Variants in MICU1 observed in about 807,000 individuals in gnomAD.
MICU1 encodes calcium uptake protein 1, mitochondrial.
Under a neutral mutation model 56.8 loss-of-function variants are expected in MICU1, and 45 were observed. That is an observed-to-expected ratio of 0.79 (90% CI 0.62 to 1.02). MICU1 has a LOEUF of 1.02. Ranked by LOEUF, MICU1 falls within the 50% of genes least tolerant of loss-of-function variation. The pLI, the probability that MICU1 is intolerant of heterozygous loss-of-function variation, is 0.00. For missense variants in MICU1, 504 were observed against 587.1 expected, an observed-to-expected ratio of 0.86 and a Z score of 1.46; for synonymous variants, 186 against 195.1, an observed-to-expected ratio of 0.95 and a Z score of 0.39.
At chr10:72,402,336 G>A (rs1863482304) in intron 10 of MICU1, among the ~76,000 whole-genome samples, 1 of 152,112 alleles carries the variant, frequency 6.6e-6, no homozygotes, top group Non-Finnish European at 1.5e-5. Context: ...TGCCTTACCT[G>A]TTAGTTTCAT....
At chr10:72,403,641 G>GTGTA (rs1863532504) in intron 10 of MICU1, among the ~76,000 whole-genome samples, 2 of 150,932 alleles carry the variant, frequency 1.3e-5, no homozygotes. Flanking sequence ...GTGTGTGTGT[G>GTGTA]TGTGTGTGTG....
At chr10:72,538,025 A>AT (rs1839679640) in intron 4 of MICU1, among the ~76,000 whole-genome samples, 10 of 152,164 alleles carry the variant, frequency 6.6e-5, no homozygotes, top group Admixed American at 6.5e-4. Flanking sequence ...ATTAGTACTC[A>AT]GTTACACTTA....
At chr10:72,490,964 C>G (rs1430091555) in intron 6 of MICU1, among the ~76,000 whole-genome samples, 1 of 152,158 alleles carries the variant, frequency 6.6e-6, no homozygotes, top group Non-Finnish European at 1.5e-5. Context: ...CCAAAGGAAG[C>G]CTGTGTTTTT....
rs535718268 is a variant in MICU1, at chr10:72,437,392, G to A, written c.934-14021C>T. 2.0e-5 allele frequency among the ~76,000 whole-genome samples: 3 copies of A among 152,270 alleles called. No individual in the cohort carries two copies. In the East Asian group the frequency reaches 5.8e-4, roughly 29 times the overall value. ...GCCTGACTTACAGGAGCTCCTGAAG[G>A]AAGCACTCAACATAGAAAGGAACAA... On this transcript the variant is annotated intron_variant, in intron 8 of 11. Transcript: ENST00000361114.
chr10:72,600,949 T>C (rs1200433873), intron 1 of MICU1, among the ~76,000 whole-genome samples: 1 of 152,194 alleles, frequency 6.6e-6, no homozygotes, highest in Non-Finnish European at 1.5e-5. Context: ...AACTAAATTA[T>C]GTTTGGTGAT....
rs145378215 is a variant in MICU1, at chr10:72,432,239, G to A, written c.934-8868C>T. ...CCCCTGAGTAGCTAGGACTACAGGC[G>A]TGTGCCACCATGCCCAGCTATGTTT... On this transcript the variant is annotated intron_variant, in intron 8 of 11. Transcript: ENST00000361114. Among the ~76,000 whole-genome samples, 432 of 152,050 alleles carry A rather than the reference G, an allele frequency of 2.8e-3. 4 individuals are homozygous for A. The highest frequency in any genetic ancestry group is 9.8e-3 in the African/African-American group (406 of 41,464).
intron 1 of MICU1, among the ~76,000 whole-genome samples, chr10:72,615,164 C>G: frequency 6.6e-6 from 1 of 152,100 alleles, no homozygotes; most frequent in Non-Finnish European, 1.5e-5. Context: ...GTTGCCTAGG[C>G]TAGAGTGCAG....
At chr10:72,418,003 T>G (rs1864039598) in intron 9 of MICU1, among the ~76,000 whole-genome samples, 1 of 152,104 alleles carries the variant, frequency 6.6e-6, no homozygotes, top group Non-Finnish European at 1.5e-5. Context: ...GAAGCAAACA[T>G]ATCCTTCTTC....
Position 72,484,771 on chromosome 10 carries a change from C to T in MICU1, c.653-7515G>A, listed in dbSNP as rs1866411681. Among the ~76,000 whole-genome samples the T allele has an allele frequency of 2.0e-5, 3 of 152,310 alleles. No individual in the cohort carries two copies. In the South Asian group the frequency reaches 6.2e-4, roughly 32 times the overall value. On this transcript the variant is annotated intron_variant, in intron 6 of 11. Transcript: ENST00000361114. ...CCCTCTCTACCTCCCCACTTCCAGT[C>T]CCAGCCTCGAAAGTGAAGTCATCAT... is the stretch of plus-strand genomic sequence containing the variant.
At chr10:72,612,210 A>C (rs1044127503) in intron 1 of MICU1, among the ~76,000 whole-genome samples, 1 of 152,100 alleles carries the variant, frequency 6.6e-6, no homozygotes, top group African/African-American at 2.4e-5. Context: ...ATTAGGCTAA[A>C]ATGTTTAATT....
chr10:72,498,621 G>A (rs376601330), intron 6 of MICU1, among the ~76,000 whole-genome samples: 3 of 152,100 alleles, frequency 2.0e-5, no homozygotes, highest in East Asian at 1.9e-4. Flanking sequence ...AGAAGCCTTC[G>A]GATTTACTCC....
At chr10:72,556,272 A>T (rs1274499604) in intron 3 of MICU1, among the ~76,000 whole-genome samples, 3 of 152,236 alleles carry the variant, frequency 2.0e-5, no homozygotes, top group Non-Finnish European at 2.9e-5. Context: ...GTTCTATGAC[A>T]CTAGTCTCAT....
intron 8 of MICU1, among the ~76,000 whole-genome samples, chr10:72,469,417 A>C (rs930886512): frequency 3.9e-5 from 6 of 152,192 alleles, no homozygotes; most frequent in Non-Finnish European, 7.3e-5. Context: ...AATCTTTTCT[A>C]TTTTCCTCTT....
intron 10 of MICU1, among the ~76,000 whole-genome samples, chr10:72,406,001 C>G (rs1251666099): frequency 6.9e-6 from 1 of 144,810 alleles, no homozygotes; most frequent in Non-Finnish European, 1.5e-5. Flanking sequence ...TGCAATAAAG[C>G]AAGAAAAAAA....
chr10:72,375,554 T>C lies in MICU1; in HGVS notation c.1270+229A>G, dbSNP rs142507078. Among the ~76,000 whole-genome samples, 1,523 of 152,346 alleles carry C rather than the reference T, an allele frequency of 1.0e-2. 25 individuals are homozygous for C. The highest frequency in any genetic ancestry group is 0.035 in the African/African-American group (1,460 of 41,568). On this transcript the variant is annotated intron_variant, in intron 11 of 11. Coordinates refer to ENST00000361114, the MANE Select transcript of MICU1 (RefSeq NM_001195518.2). ...ATGGTCATAAATTAATTTAGGCCTA[T>C]AGGCATATTGGAATTATAAGAAGAA...
At chr10:72,464,688 C>A (rs1865737497) in intron 8 of MICU1, among the ~76,000 whole-genome samples, 1 of 152,082 alleles carries the variant, frequency 6.6e-6, no homozygotes, top group Non-Finnish European at 1.5e-5. Context: ...CAATGCATTT[C>A]TCAGAATTTA....
intron 9 of MICU1, among the ~76,000 whole-genome samples, chr10:72,418,568 G>A (rs1864059206): frequency 6.6e-6 from 1 of 152,140 alleles, no homozygotes; most frequent in African/African-American, 2.4e-5. Context: ...TAGAAAGGAA[G>A]AGAAAAATGG....
chr10:72,619,610 C>T (rs1240564091), intron 1 of MICU1, among the ~76,000 whole-genome samples: 2 of 152,116 alleles, frequency 1.3e-5, no homozygotes, highest in Non-Finnish European at 2.9e-5. Context: ...CAATCTAAGA[C>T]AATACATACA....
At chr10:72,610,169 G>T (rs954585783) in intron 1 of MICU1, among the ~76,000 whole-genome samples, 6 of 151,542 alleles carry the variant, frequency 4.0e-5, no homozygotes, top group Admixed American at 2.6e-4. Context: ...GCTGAGGCAG[G>T]GGGATCACTT....
Sources: gnomAD v4.1 joint callset for allele counts (sites outside exome capture counted in the v4.1 genomes callset) on GRCh38, gnomAD v4.1.1 for gene constraint, MANE v1.5 for transcripts, NCBI Gene and HGNC (gene_info 2026-07-23, HGNC 2026-07-21) for gene names.